PICALM: variants seen among roughly 807,000 people sequenced by gnomAD.
PICALM encodes phosphatidylinositol-binding clathrin assembly protein.
PICALM carries 40 observed loss-of-function variants against 80.5 expected under a neutral mutation model. The ratio of observed to expected loss-of-function variants is 0.50; its 90% CI spans 0.39 to 0.65. PICALM has a LOEUF of 0.65. Ranked by LOEUF, PICALM falls within the 30% of genes least tolerant of loss-of-function variation. PICALM has a pLI of 0.00. For synonymous variants in PICALM, 288 were observed against 260.3 expected (o/e 1.11, Z -1.02); for missense variants, 676 against 778.9 (o/e 0.87, Z 1.57).
At chr11:86,062,556 G>A (rs1164355716) in intron 1 of PICALM, among the ~76,000 whole-genome samples, 1 of 151,880 alleles carries the variant, frequency 6.6e-6, no homozygotes, top group Non-Finnish European at 1.5e-5. Flanking sequence ...ATGGACTTTG[G>A]GTGGTAAAGA....
chr11:86,018,471 C>T (rs1466286259), intron 4 of PICALM, among the ~76,000 whole-genome samples: 2 of 151,914 alleles, frequency 1.3e-5, no homozygotes, highest in Non-Finnish European at 2.9e-5. Flanking sequence ...ATAATTTATT[C>T]TATAGAAAAA....
chr11:86,023,561 T>TAA, intron 3 of PICALM: 1 of 985,070 alleles, frequency 1.0e-6, no homozygotes, highest in Non-Finnish European at 1.2e-6. Context: ...AAGAGTGAAA[T>TAA]TATTAACACC....
Position 85,977,582 on chromosome 11 carries a change from A to G in PICALM, c.1780-900T>C, listed in dbSNP as rs2094321094. Among the ~76,000 whole-genome samples, 3 of 152,266 alleles carry G rather than the reference A, an allele frequency of 2.0e-5. 1 individual carries two copies. The South Asian group carries it at 6.2e-4, about 31-fold the overall frequency. ...TATGCATGGAGAAATTAAATGAAATATAACTTTAAAAAAATAACACTAAAG... is the reference window on the plus strand; with the variant it reads ...TATGCATGGAGAAATTAAATGAAATGTAACTTTAAAAAAATAACACTAAAG... On this transcript the variant is annotated intron_variant, in intron 17 of 19. Coordinates refer to ENST00000393346, the MANE Select transcript of PICALM (RefSeq NM_007166.4).
At chr11:85,982,544 C>T (rs2135731298) in intron 14 of PICALM, among the ~76,000 whole-genome samples, 1 of 146,386 alleles carries the variant, frequency 6.8e-6, no homozygotes, top group East Asian at 2.0e-4. Flanking sequence ...TCTCCTGCCT[C>T]AGCCTCCCGA....
intron 1 of PICALM, among the ~76,000 whole-genome samples, chr11:86,033,627 C>A (rs1427722566): frequency 6.6e-6 from 1 of 152,214 alleles, no homozygotes; most frequent in Non-Finnish European, 1.5e-5. Context: ...ATCCCCCTTA[C>A]TCTGCTTATT....
chr11:86,017,002 T>A (rs2095490930), intron 4 of PICALM, among the ~76,000 whole-genome samples: 1 of 152,106 alleles, frequency 6.6e-6, no homozygotes, highest in South Asian at 2.1e-4. Flanking sequence ...GGCGAGTGGA[T>A]CACGAGGTCA....
At chr11:86,001,271 T>A in intron 9 of PICALM, 113 bp from the exon 10 acceptor site, 2 of 947,920 alleles carry the variant, frequency 2.1e-6, no homozygotes, top group Non-Finnish European at 3.2e-6. Flanking sequence ...ATTATAAACT[T>A]AACTTCTGGA....
chr11:85,987,189 T>TAA (rs2094598256), intron 13 of PICALM, among the ~76,000 whole-genome samples: 1 of 152,208 alleles, frequency 6.6e-6, no homozygotes, highest in Non-Finnish European at 1.5e-5. Flanking sequence ...AACAGGGTAT[T>TAA]ATTTAAACCT....
At chr11:85,975,162 C>G (rs968727053) in intron 18 of PICALM, among the ~76,000 whole-genome samples, 1 of 152,182 alleles carries the variant, frequency 6.6e-6, no homozygotes, top group Non-Finnish European at 1.5e-5. Flanking sequence ...ACTTAAGACT[C>G]TGTCTTCGCT....
chr11:86,013,604 A>G (rs2095434845), intron 5 of PICALM, among the ~76,000 whole-genome samples: 1 of 152,206 alleles, frequency 6.6e-6, no homozygotes. Context: ...AGGATTAGAT[A>G]AATTGTTATT....
intron 4 of PICALM, among the ~76,000 whole-genome samples, chr11:86,017,714 C>A (rs563540782): frequency 6.6e-6 from 1 of 152,320 alleles, no homozygotes; most frequent in East Asian, 1.9e-4. Context: ...AACCCTTTAG[C>A]CTCAAGTAGT....
intron 1 of PICALM, among the ~76,000 whole-genome samples, chr11:86,061,330 CAAAAAAAAAAAA>C (rs58836221): frequency 1.6e-4 from 13 of 81,174 alleles, no homozygotes; most frequent in South Asian, 3.9e-4. Context: ...GACTCCATCT[CAAAAAAAAAAAA>C]AAAAAAAAAA....
intron 18 of PICALM, among the ~76,000 whole-genome samples, chr11:85,976,071 G>A (rs1274710039): frequency 1.3e-5 from 2 of 152,172 alleles, no homozygotes; most frequent in South Asian, 2.1e-4. Flanking sequence ...ATACATACCA[G>A]TGGGTTGAAG....
chr11:86,069,341 G>A (rs2096488188), upstream of PICALM: 1 of 159,298 alleles, frequency 6.3e-6, no homozygotes, highest in African/African-American at 2.4e-5. Flanking sequence ...CAGGTCGCCT[G>A]AGGCTCGGCC....
intron 1 of PICALM, among the ~76,000 whole-genome samples, chr11:86,043,363 A>C (rs955866245): frequency 6.6e-6 from 1 of 152,096 alleles, no homozygotes; most frequent in African/African-American, 2.4e-5. Context: ...AAACTCATCT[A>C]ATTTCTTAAC....
chr11:86,024,263 C>T (rs1264637483), intron 3 of PICALM, among the ~76,000 whole-genome samples: 3 of 151,608 alleles, frequency 2.0e-5, no homozygotes, highest in Admixed American at 6.6e-5. Context: ...AAATATAATG[C>T]ATTTTGTAAC....
intron 3 of PICALM, among the ~76,000 whole-genome samples, chr11:86,024,660 G>A (rs1475709891): frequency 1.3e-5 from 2 of 151,826 alleles, no homozygotes; most frequent in African/African-American, 4.8e-5. Context: ...AAAAATTTTT[G>A]TGCTTGATTT....
intron 3 of PICALM, 58 bp downstream of exon 3, chr11:86,026,234 G>A (rs769840298): frequency 2.6e-5 from 23 of 899,032 alleles, no homozygotes; most frequent in South Asian, 1.5e-4. Flanking sequence ...CTACTCTGGA[G>A]TAATCATCAT....
intron 9 of PICALM, among the ~76,000 whole-genome samples, chr11:86,003,095 A>G (rs2095188525): frequency 6.6e-6 from 1 of 152,226 alleles, no homozygotes; most frequent in Admixed American, 6.5e-5. Context: ...AAATTTTGAC[A>G]TCATAAACAC....
Sources: gnomAD v4.1 joint callset for allele counts (sites outside exome capture counted in the v4.1 genomes callset) on GRCh38, gnomAD v4.1.1 for gene constraint, MANE v1.5 for transcripts, NCBI Gene and HGNC (gene_info 2026-07-23, HGNC 2026-07-21) for gene names.